PCNT: variants seen among roughly 807,000 people sequenced by gnomAD.
The protein encoded by PCNT is kendrin.
Under a neutral mutation model 380.4 loss-of-function variants are expected in PCNT, and 319 were observed. The observed-to-expected ratio is 0.84, with a 90% CI of 0.77 to 0.92. The LOEUF (loss-of-function observed/expected upper bound fraction) is 0.92. Among genes scored for constraint, PCNT ranks in the 40% least tolerant of loss-of-function variants. The pLI is 0.00. For synonymous variants in PCNT, 1,845 were observed against 1,735.2 expected (o/e 1.06, Z -1.57); for missense variants, 4,400 against 4,255.3 (o/e 1.03, Z -0.95).
chr21:46,440,740 T>A, intron 42 of PCNT, 115 bp from the exon 43 acceptor site: 1 of 750,052 alleles, frequency 1.3e-6, no homozygotes, highest in Non-Finnish European at 2.3e-6. Context: ...TCTGTGATGA[T>A]TTGATGGGAA....
intron 26 of PCNT, 49 bp downstream of exon 26, chr21:46,401,770 A>G (rs747940126): frequency 1.3e-6 from 2 of 1,585,672 alleles, no homozygotes; most frequent in East Asian, 4.5e-5. Flanking sequence ...GTCAGTGTCC[A>G]GTGGGCTTCT....
chr21:46,438,964 C>T (rs528475095), intron 41 of PCNT, among the ~76,000 whole-genome samples: 7 of 152,126 alleles, frequency 4.6e-5, no homozygotes, highest in East Asian at 3.9e-4. Context: ...CCACCGTGCC[C>T]GGCCTAAAGT....
intron 15 of PCNT, among the ~76,000 whole-genome samples, chr21:46,375,428 CAT>C (rs761113153): frequency 5.9e-5 from 9 of 152,324 alleles, no homozygotes; most frequent in South Asian, 2.1e-4. Flanking sequence ...ATGATTAAAA[CAT>C]ATGTGATATT....
At chr21:46,358,802 T>G (rs2084576490) in intron 13 of PCNT, among the ~76,000 whole-genome samples, 2 of 151,360 alleles carry the variant, frequency 1.3e-5, no homozygotes, top group Non-Finnish European at 1.5e-5. Context: ...TTTTTTTTAT[T>G]TTTTTTTATT....
chr21:46,393,419 C>T (rs866586862), intron 21 of PCNT, among the ~76,000 whole-genome samples: 11 of 152,094 alleles, frequency 7.2e-5, no homozygotes, highest in Admixed American at 5.2e-4. Flanking sequence ...GCTGTTTCTC[C>T]GATGCTTTCT....
Position 46,440,099 on chromosome 21 carries a change from C to T in PCNT, c.9290C>T (p.Ala3097Val), listed in dbSNP as rs1167740341. 2.5e-6 allele frequency: 4 copies of T among 1,614,012 alleles called. No individual in the cohort carries two copies. The African/African-American group carries it at 5.3e-5, about 22-fold the overall frequency. Residue 3097 changes from alanine to valine, a missense_variant, in exon 42 of 47, where the codon GCT (alanine) becomes GTT (valine). Physicochemically the swap from Ala to Val is moderately conservative, Grantham distance 64 (BLOSUM62 0). Transcript: ENST00000359568. ...TCCTTACAGAGGTCGGAAAGGTCTG[C>T]TTGGAAGCCAGACGAAACGGCTCCA... ...GCSPSRSERS[A>V]WKPDETAPQS...
chr21:46,396,364 C>G lies in PCNT; in HGVS notation c.4217-901C>G, dbSNP rs577243062. On this transcript the variant is annotated intron_variant, in intron 21 of 46. Transcript: ENST00000359568. ...ACCCATCTCTGCTTCTAAGGCAGAG[C>G]CTTGCACACTGTATCCTCCGGAGTG... Among the ~76,000 whole-genome samples the G allele has an allele frequency of 2.0e-5, 3 of 152,328 alleles. No individual in the cohort carries two copies. The South Asian group carries it at 6.2e-4, about 32-fold the overall frequency.
intron 13 of PCNT, among the ~76,000 whole-genome samples, chr21:46,357,944 C>T (rs2084536269): frequency 6.6e-6 from 1 of 152,256 alleles, no homozygotes; most frequent in East Asian, 1.9e-4. Flanking sequence ...AGGACACTGC[C>T]ATGCTGTCAT....
Position 46,388,625 on chromosome 21 carries a change from G to A in PCNT, c.3465-117G>A. 7.6e-7 allele frequency: 1 copy of A among 1,309,852 alleles called. No individual in the cohort carries two copies. Among genetic ancestry groups the A allele is most frequent in the Non-Finnish European group, 1.1e-6 (1 of 917,984 alleles). 81.1% of individuals were successfully genotyped at this position (1,309,852 alleles called of 1,614,324 possible). On this transcript the variant is annotated intron_variant, in intron 17 of 46. Coordinates refer to ENST00000359568, the MANE Select transcript of PCNT (RefSeq NM_006031.6). The surrounding 1 kb of genome is among the most constrained non-coding windows in gnomAD (Gnocchi z 4.2). Reference sequence around the variant, plus strand: ...AGGATCATGTCTTCCGGCCCCGTGGGGACAGGCAGCCGTGGGCCGAGGTGT... The same window carrying A: ...AGGATCATGTCTTCCGGCCCCGTGGAGACAGGCAGCCGTGGGCCGAGGTGT...
rs771604477 is a variant in PCNT at position 46,412,066 on chromosome 21, A to AG, written c.5994+1dup. 1 of 1,606,158 alleles carries AG rather than the reference A, an allele frequency of 6.2e-7. No homozygotes were observed. On this transcript the variant is annotated frameshift_variant and splice_region_variant, in exon 28 of 47. Transcript: ENST00000359568. LOFTEE classifies it high-confidence loss of function. Reference sequence around the variant, plus strand: ...TTGGAGCCGGTTGTCCCTGACCCACAGGTGGGCTCCCCCCGCGGGCCATGG... The same window carrying AG: ...TTGGAGCCGGTTGTCCCTGACCCACAGGGTGGGCTCCCCCCGCGGGCCATGG...
chr21:46,356,939 G>A (rs780670372), intron 12 of PCNT, 35 bp from the exon 13 acceptor site: 5 of 1,596,228 alleles, frequency 3.1e-6, no homozygotes, highest in Admixed American at 1.7e-5. Flanking sequence ...GGCCGGCACC[G>A]GCCTGACTGT....
rs1164894722 is a variant in PCNT at position 46,425,705 on chromosome 21, GCCCT to G, written c.7180-120_7180-117del. 2.9e-6 allele frequency: 4 copies of G among 1,366,612 alleles called. No individual in the cohort carries two copies. Among genetic ancestry groups the G allele is most frequent in the Non-Finnish European group, 4.1e-6 (4 of 968,740 alleles). The allele number at this position is 1,366,612 out of a possible 1,614,324, so 84.7% of individuals were successfully genotyped here. On this transcript the variant is annotated intron_variant, in intron 32 of 46. Transcript: ENST00000359568. The surrounding 1 kb of genome is among the most constrained non-coding windows in gnomAD (Gnocchi z 4.2). ...GCCGCCTGTACGAAGCCGAGGCGGT[GCCCT>G]CCCTCTCCACAGCTGCCCGCCCTTC...
rs1050481546 is a variant in PCNT, at chr21:46,430,613, C to T, written c.8020C>T (p.Leu2674=). 1.3e-6 allele frequency: 2 copies of T among 1,568,986 alleles called. No individual in the cohort carries two copies. The highest frequency in any genetic ancestry group is 1.7e-6 in the Non-Finnish European group (2 of 1,157,592). ...ALQSQLEEEQ[L]RHLQRESQSA... is the part of the protein sequence containing the mutation. Reference sequence around the variant, plus strand: ...GCAGAGCCAGCTGGAGGAGGAGCAGCTGCGGCACCTGCAGAGGGAGAGCCA... The same window carrying T: ...GCAGAGCCAGCTGGAGGAGGAGCAGTTGCGGCACCTGCAGAGGGAGAGCCA... Residue 2674 remains leucine (L), a synonymous_variant, in exon 37 of 47, where the codon CTG becomes TTG. Transcript: ENST00000359568.
chr21:46,436,192 A>G, intron 39 of PCNT, 44 bp downstream of exon 39: 6 of 1,598,366 alleles, frequency 3.8e-6, no homozygotes, highest in Non-Finnish European at 5.1e-6. Context: ...CCTTGCAGCC[A>G]CCCCTCTGTC....
intron 38 of PCNT, among the ~76,000 whole-genome samples, chr21:46,433,241 G>A (rs979004225): frequency 1.3e-5 from 2 of 152,164 alleles, no homozygotes; most frequent in African/African-American, 4.8e-5. Flanking sequence ...AAATTAGCCG[G>A]GCATGGTAGT....
At chr21:46,438,804 C>T (rs1177024784) in intron 41 of PCNT, among the ~76,000 whole-genome samples, 1 of 151,572 alleles carries the variant, frequency 6.6e-6, no homozygotes, top group African/African-American at 2.4e-5. Context: ...TCCCAAGTAG[C>T]TGAGATTACA....
intron 4 of PCNT, 148 bp from the exon 5 acceptor site, chr21:46,346,595 C>A: frequency 4.1e-6 from 4 of 977,084 alleles, no homozygotes; most frequent in Middle Eastern, 6.3e-4. Flanking sequence ...GGCATCCGGG[C>A]CTCTGTGTCC....
At chr21:46,334,982 T>C (rs527906195) in intron 3 of PCNT, among the ~76,000 whole-genome samples, 1 of 152,322 alleles carries the variant, frequency 6.6e-6, no homozygotes, top group Non-Finnish European at 1.5e-5. Flanking sequence ...ATGGGAAGCC[T>C]CTCTTCATAC....
chr21:46,387,578 G>C (rs780158537), intron 17 of PCNT, among the ~76,000 whole-genome samples: 22 of 152,220 alleles, frequency 1.4e-4, no homozygotes, highest in East Asian at 9.7e-4. Flanking sequence ...GGGCATTTTG[G>C]GGGGTGGAAG....
Sources: allele counts gnomAD v4.1 joint callset (sites outside exome capture counted in the v4.1 genomes callset), GRCh38; gene constraint gnomAD v4.1.1; non-coding constraint Gnocchi (gnomAD v3.1); transcripts MANE v1.5; gene names NCBI Gene and HGNC (gene_info 2026-07-23, HGNC 2026-07-21).